HECW2: variants seen among roughly 807,000 people sequenced by gnomAD.
HECW2 encodes the protein E3 ubiquitin-protein ligase HECW2.
In HECW2, 61 loss-of-function variants were observed where a neutral mutation model predicts 175.2. That is an observed-to-expected ratio of 0.35 (90% confidence interval 0.28 to 0.43). The LOEUF is 0.43. HECW2 is among the 20% of genes least tolerant of loss of function. The pLI, the probability that HECW2 is intolerant of heterozygous loss-of-function variation, is 1.00. For synonymous variants in HECW2, 671 were observed against 731.0 expected, an observed-to-expected ratio of 0.92 and a Z score of 1.32; for missense variants, 1,524 against 2,000.5, an observed-to-expected ratio of 0.76 and a Z score of 4.54.
chr2:196,295,163 G>A (rs1301800326), intron 13 of HECW2, among the ~76,000 whole-genome samples: 1 of 152,156 alleles, frequency 6.6e-6, no homozygotes, highest in Admixed American at 6.6e-5. Flanking sequence ...GCAGTTGTGT[G>A]GTTCAGAGCA....
chr2:196,406,154 C>A (rs916098361), intron 2 of HECW2, among the ~76,000 whole-genome samples: 1 of 152,212 alleles, frequency 6.6e-6, no homozygotes, highest in African/African-American at 2.4e-5. Flanking sequence ...GTGATTCCTA[C>A]ACTAGAGATT....
At chr2:196,472,354 G>T (rs373191172) in intron 1 of HECW2, among the ~76,000 whole-genome samples, 2 of 146,392 alleles carry the variant, frequency 1.4e-5, no homozygotes, top group South Asian at 4.2e-4. Flanking sequence ...GGTCAGGGGC[G>T]GGGGGCGCCT....
chr2:196,211,613 C>T (rs948327429), intron 28 of HECW2, among the ~76,000 whole-genome samples: 15 of 152,196 alleles, frequency 9.9e-5, no homozygotes, highest in African/African-American at 3.1e-4. Context: ...GTGAGCAGCG[C>T]TATCCACTGC....
intron 10 of HECW2, 200 bp from the exon 11 acceptor site, chr2:196,308,285 CA>C: frequency 2.6e-6 from 1 of 387,854 alleles, no homozygotes; most frequent in African/African-American, 2.0e-5. Flanking sequence ...CTATCCTGTG[CA>C]TATAATACCA....
rs561075341 is a variant in HECW2 at position 196,358,179 on chromosome 2, A to G, written c.293-14415T>C. Among the ~76,000 whole-genome samples, 68 of 152,334 alleles carry G rather than the reference A, an allele frequency of 4.5e-4. 1 individual carries two copies. The highest frequency in any genetic ancestry group is 1.6e-3 in the African/African-American group (66 of 41,578). ...CATAGACTCCATTTTCTTAATCTATAAAATGATAGTAATCACACTTCGGCT... is the reference window on the plus strand; with the variant it reads ...CATAGACTCCATTTTCTTAATCTATGAAATGATAGTAATCACACTTCGGCT... On this transcript the variant is annotated intron_variant, in intron 2 of 28. Transcript: ENST00000644978.
At chr2:196,421,130 C>G (rs980778990) in intron 2 of HECW2, among the ~76,000 whole-genome samples, 1 of 152,028 alleles carries the variant, frequency 6.6e-6, no homozygotes, top group Non-Finnish European at 1.5e-5. Context: ...GTAAAAACAA[C>G]TCATCATTTC....
chr2:196,381,612 T>A (rs922092947), intron 2 of HECW2, among the ~76,000 whole-genome samples: 3 of 152,098 alleles, frequency 2.0e-5, no homozygotes, highest in African/African-American at 7.2e-5. Flanking sequence ...AAGCAGACAT[T>A]TGCCTCCTAC....
chr2:196,326,115 A>C (rs561313143), intron 5 of HECW2, among the ~76,000 whole-genome samples: 3 of 152,208 alleles, frequency 2.0e-5, no homozygotes, highest in Non-Finnish European at 4.4e-5. Flanking sequence ...ATGGCCCCTG[A>C]ACCTCCAAAG....
chr2:196,475,460 C>A (rs1191488701), intron 1 of HECW2, among the ~76,000 whole-genome samples: 2 of 151,984 alleles, frequency 1.3e-5, no homozygotes, highest in African/African-American at 4.8e-5. Flanking sequence ...GCTCACATAA[C>A]TGAAAAATTG....
intron 1 of HECW2, among the ~76,000 whole-genome samples, chr2:196,497,311 A>ATT (rs1687428600): frequency 6.6e-6 from 1 of 152,224 alleles, no homozygotes; most frequent in Non-Finnish European, 1.5e-5. Context: ...TAGGAAAGAA[A>ATT]TTCAGGCTGT....
intron 7 of HECW2, among the ~76,000 whole-genome samples, chr2:196,321,420 C>T (rs1691938018): frequency 6.9e-6 from 1 of 144,476 alleles, no homozygotes; most frequent in Non-Finnish European, 1.5e-5. Context: ...CAGAGTCTCG[C>T]TCTGTTGCCC....
intron 1 of HECW2, among the ~76,000 whole-genome samples, chr2:196,518,210 A>G (rs1230406860): frequency 6.7e-6 from 1 of 149,988 alleles, no homozygotes; most frequent in African/African-American, 2.4e-5. Flanking sequence ...AAATGTGATT[A>G]AAAAATAAAA....
chr2:196,584,270 A>T (rs548355138), intron 1 of HECW2, among the ~76,000 whole-genome samples: 6 of 152,284 alleles, frequency 3.9e-5, no homozygotes, highest in South Asian at 2.1e-4. Context: ...TAGGGTATTT[A>T]TGGGACAGGA....
intron 1 of HECW2, among the ~76,000 whole-genome samples, chr2:196,491,369 TACACACACACACAC>T (rs67409257): frequency 8.4e-5 from 11 of 130,670 alleles, no homozygotes; most frequent in South Asian, 5.0e-4. Context: ...CATATATATA[TACACACACACACAC>T]ACACACACAC....
chr2:196,289,133 G>A (rs1475074956), intron 14 of HECW2: 2 of 152,240 alleles, frequency 1.3e-5, no homozygotes, highest in African/African-American at 2.4e-5. Context: ...AAGTGTTGCT[G>A]AATGACTAAA....
intron 19 of HECW2, among the ~76,000 whole-genome samples, chr2:196,245,125 G>C (rs987054101): frequency 6.6e-6 from 1 of 152,172 alleles, no homozygotes; most frequent in Non-Finnish European, 1.5e-5. Flanking sequence ...TATGCACTGG[G>C]AAAAGAATAG....
chr2:196,258,022 A>G (rs1382990295), intron 17 of HECW2, 116 bp from the exon 18 acceptor site: 2 of 705,974 alleles, frequency 2.8e-6, no homozygotes, highest in African/African-American at 3.5e-5. Flanking sequence ...ATTATGTGGC[A>G]GCTACTGTGT....
chr2:196,239,173 G>T (rs1389229227), intron 21 of HECW2: 4 of 152,224 alleles, frequency 2.6e-5, no homozygotes, highest in African/African-American at 9.7e-5. Context: ...CAGATCTCAT[G>T]CAAACTTCTG....
chr2:196,521,304 A>AAAAAAAAG (rs1553531650), intron 1 of HECW2, among the ~76,000 whole-genome samples: 3 of 148,172 alleles, frequency 2.0e-5, no homozygotes, highest in African/African-American at 7.6e-5. Flanking sequence ...AAAAAAAAAA[A>AAAAAAAAG]AAAGAAAGAA....
Sources: allele counts gnomAD v4.1 joint callset (sites outside exome capture counted in the v4.1 genomes callset), GRCh38; gene constraint gnomAD v4.1.1; transcripts MANE v1.5; gene names NCBI Gene and HGNC (gene_info 2026-07-23, HGNC 2026-07-21).